IPO13: variants seen among roughly 807,000 people sequenced by gnomAD.
The protein encoded by IPO13 is importin-13.
A neutral mutation model predicts 115.5 loss-of-function variants in IPO13; 28 were observed. The ratio of observed to expected loss-of-function variants is 0.24; its 90% CI spans 0.18 to 0.33. The LOEUF (loss-of-function observed/expected upper bound fraction) is 0.33. Among genes scored for constraint, IPO13 ranks in the 10% least tolerant of loss-of-function variants. The probability of loss-of-function intolerance (pLI) is 1.00; values close to 1 mark genes in which losing one functional copy is unlikely to be tolerated. For synonymous variants in IPO13, 414 were observed against 478.9 expected (o/e 0.86, Z 1.77); for missense variants, 785 against 1,204.6 (o/e 0.65, Z 5.16).
At position 43,950,382 on chromosome 1, in the gene IPO13, T is replaced by C. The variant is rs1341341211; in HGVS notation, c.821+229T>C. 2.0e-5 allele frequency among the ~76,000 whole-genome samples: 3 copies of C among 152,150 alleles called. No individual in the cohort carries two copies. In the East Asian group the frequency reaches 5.8e-4, roughly 29 times the overall value. ...TCAATTAAAATATTTGACTCTCTTT[T>C]CCTTCTCTCAACTAGTCACCAAGTC... On this transcript the variant is annotated intron_variant, in intron 2 of 19. Coordinates refer to ENST00000372343, the MANE Select transcript of IPO13 (RefSeq NM_014652.4).
At position 43,947,523 on chromosome 1, in the gene IPO13, C is replaced by T; in HGVS notation, c.-78C>T. Reference sequence around the variant, plus strand: ...ACTCCCTGGGCACCCAAGCCGGGGTCTAGCAGGGGGCCAGCAGCCAAGGGG... The same window carrying T: ...ACTCCCTGGGCACCCAAGCCGGGGTTTAGCAGGGGGCCAGCAGCCAAGGGG... On this transcript the variant is annotated 5_prime_UTR_variant, in exon 1 of 20. Coordinates refer to ENST00000372343, the MANE Select transcript of IPO13 (RefSeq NM_014652.4). 1.2e-6 allele frequency: 1 copy of T among 866,766 alleles called. No homozygotes were observed. Among genetic ancestry groups the T allele is most frequent in the East Asian group, 3.3e-5 (1 of 30,014 alleles). 53.7% of individuals were successfully genotyped at this position (866,766 alleles called of 1,614,324 possible). A position where few individuals can be genotyped will look rare whatever the true frequency, so the allele number is the denominator to read the frequency against.
intron 12 of IPO13, 62 bp from the exon 13 acceptor site, chr1:43,960,814 C>T: frequency 6.3e-7 from 1 of 1,599,098 alleles, no homozygotes; most frequent in Non-Finnish European, 8.5e-7. Context: ...CTGTGCAGGG[C>T]TTCAGCGCTG....
chr1:43,961,292 C>T (rs142568582), intron 14 of IPO13, 30 bp downstream of exon 14: 1 of 1,511,440 alleles, frequency 6.6e-7, no homozygotes. Flanking sequence ...TCTGCTGCTG[C>T]TGCCACTGCC....
At position 43,966,485 on chromosome 1, in the gene IPO13, T is replaced by G; in HGVS notation, c.2398-90T>G. 2 of 1,314,826 alleles carry G rather than the reference T, an allele frequency of 1.5e-6. No individual in the cohort carries two copies. Among genetic ancestry groups the G allele is most frequent in the Non-Finnish European group, 2.2e-6 (2 of 917,078 alleles). 81.4% of individuals were successfully genotyped at this position (1,314,826 alleles called of 1,614,324 possible). On this transcript the variant is annotated intron_variant, in intron 15 of 19. Coordinates refer to ENST00000372343, the MANE Select transcript of IPO13 (RefSeq NM_014652.4). This position sits in a 1 kb window ranked among gnomAD's most constrained non-coding sequence, Gnocchi z 4.1. ...GTTTTGGCAGCCTCTACCTGTGAGG[T>G]GTGAAGTTGGGGGCTGGGGTGGCAG...
In IPO13 at chr1:43,949,762, G is replaced by T; in HGVS notation, c.430G>T (p.Ala144Ser). 3.7e-6 allele frequency: 6 copies of T among 1,614,196 alleles called. No individual in the cohort carries two copies. The highest frequency in any genetic ancestry group is 5.1e-6 in the Non-Finnish European group (6 of 1,180,012). ...GCCTGACGCTTGGCCATGTGCTGTG[G>T]CAGATATGGTACGACTCTTCCAGGC... is the stretch of plus-strand genomic sequence containing the variant. Reference protein sequence around the residue: ...MMPDAWPCAVADMVRLFQAED... With the variant: ...MMPDAWPCAVSDMVRLFQAED... The change falls in exon 2 of 20, where the codon GCA (alanine) becomes TCA (serine). Residue 144 changes from alanine (A) to serine (S), a missense_variant. By Grantham distance (99) the Ala-to-Ser change is moderately conservative (BLOSUM62 1). This residue lies in a region of IPO13 where 325 missense variants were observed against 449.8 expected (regional missense o/e 0.72). Coordinates refer to ENST00000372343, the MANE Select transcript of IPO13 (RefSeq NM_014652.4).
In IPO13 at chr1:43,957,499, G is replaced by A. The variant is rs2085259550; in HGVS notation, c.1490G>A (p.Arg497Gln). 6.2e-7 allele frequency: 1 copy of A among 1,614,068 alleles called. No individual in the cohort carries two copies. The highest frequency in any genetic ancestry group is 8.5e-7 in the Non-Finnish European group (1 of 1,180,042). ...CCTGGGCTCATTGGCCTCATCCCAC[G>A]GATCAGCATCAGCAACGTGCAGCTG... ...VVPGLIGLIP[R>Q]ISISNVQLAD... Residue 497 changes from arginine (R) to glutamine (Q), a missense_variant, in exon 7 of 20, where the codon CGG becomes CAG. Around this residue, in one of 3 missense-constraint regions of IPO13, gnomAD observed 175 missense variants for 360.0 expected, o/e 0.49. Transcript: ENST00000372343.
In IPO13 at chr1:43,967,013, G is replaced by C; in HGVS notation, c.2607G>C (p.Val869=). The C allele has an allele frequency of 6.2e-7, 1 of 1,613,884 alleles. No homozygotes were observed. Among genetic ancestry groups the C allele is most frequent in the Non-Finnish European group, 8.5e-7 (1 of 1,179,972 alleles). The part of the protein sequence containing the change: ...QEDGRMLLIA[V]LEAIGGQASR... Reference sequence around the variant, plus strand: ...ACGGTCGTATGCTGCTCATAGCAGTGCTGGAGGTGAGACGGAGCAAAGGGG... The same window carrying C: ...ACGGTCGTATGCTGCTCATAGCAGTCCTGGAGGTGAGACGGAGCAAAGGGG... The change falls in exon 18 of 20, where the codon GTG becomes GTC. Residue 869 remains valine (V), a synonymous_variant. Coordinates refer to ENST00000372343, the MANE Select transcript of IPO13 (RefSeq NM_014652.4). This position sits in a 1 kb window ranked among gnomAD's most constrained non-coding sequence, Gnocchi z 6.1.
Position 43,955,263 on chromosome 1 carries a change from CT to C in IPO13, c.822-1043del, listed in dbSNP as rs545350043. On this transcript the variant is annotated intron_variant, in intron 2 of 19. Transcript: ENST00000372343. ...ATGAGCTGTTGCTGCCTTCCAAAGT[CT>C]TTTTTTTTTTTTTAAATCAGGGCTT... Among the ~76,000 whole-genome samples the C allele has an allele frequency of 9.9e-3, 1,412 of 143,086 alleles. 9 individuals carry two copies. The highest frequency in any genetic ancestry group is 0.068 in the East Asian group (335 of 4,946). The allele number at this position is 143,086 out of a possible 152,430, so 93.9% of individuals were successfully genotyped here.
At chr1:43,947,981 A>G (rs1321382560) in intron 1 of IPO13, among the ~76,000 whole-genome samples, 3 of 152,222 alleles carry the variant, frequency 2.0e-5, no homozygotes, top group Non-Finnish European at 2.9e-5. Flanking sequence ...TGGGAACTGC[A>G]TGAGCAGTGC....
intron 11 of IPO13, among the ~76,000 whole-genome samples, chr1:43,959,883 G>T (rs1239068731): frequency 1.3e-5 from 2 of 152,174 alleles, no homozygotes; most frequent in Non-Finnish European, 2.9e-5. Flanking sequence ...CCTATTTGGA[G>T]GAGATAGCAT....
At chr1:43,955,879 T>C (rs184315869) in intron 2 of IPO13, among the ~76,000 whole-genome samples, 1 of 151,882 alleles carries the variant, frequency 6.6e-6, no homozygotes, top group Non-Finnish European at 1.5e-5. Flanking sequence ...TCCCCAAAAG[T>C]TGTAACCTAG....
chr1:43,961,291 G>A (rs1470348036), intron 14 of IPO13, 29 bp downstream of exon 14: 3 of 1,544,970 alleles, frequency 1.9e-6, no homozygotes, highest in South Asian at 1.1e-5. Flanking sequence ...CTCTGCTGCT[G>A]CTGCCACTGC....
In IPO13 at chr1:43,956,469, T is replaced by G; in HGVS notation, c.962+9T>G. The G allele has an allele frequency of 6.2e-7, 1 of 1,613,948 alleles. No homozygotes were observed. The highest frequency in any genetic ancestry group is 1.1e-5 in the South Asian group (1 of 91,074). ...GGCGAGAACCACTCCCGGTAAAGGG[T>G]GGAGCAGCTTGGGGTGGGATAGTAG... On this transcript the variant is annotated intron_variant, in intron 3 of 19. Coordinates refer to ENST00000372343, the MANE Select transcript of IPO13 (RefSeq NM_014652.4). This position sits in a 1 kb window ranked among gnomAD's most constrained non-coding sequence, Gnocchi z 4.7.
rs748670508 is a variant in IPO13 at position 43,949,477 on chromosome 1, C to T, written c.145C>T (p.Leu49=). Residue 49 remains leucine (L), a synonymous_variant, in exon 2 of 20, where the codon CTG becomes TTG. Transcript: ENST00000372343. ...IENKNLAQKW[L]MQAQVSPQAW... ...GAATAAGAACCTGGCTCAGAAGTGG[C>T]TGATGCAGGCCCAGGTCTCCCCACA... 31 of 1,613,784 alleles carry T rather than the reference C, an allele frequency of 1.9e-5. No individual in the cohort carries two copies. The highest frequency in any genetic ancestry group is 2.4e-5 in the Non-Finnish European group (28 of 1,179,852).
At chr1:43,957,798 T>C (rs1258229649) in intron 7 of IPO13, among the ~76,000 whole-genome samples, 179 bp from the exon 8 acceptor site, 1 of 152,228 alleles carries the variant, frequency 6.6e-6, no homozygotes, top group Non-Finnish European at 1.5e-5. Flanking sequence ...AACCCCTTCC[T>C]GCTTCTCAGC....
Position 43,966,757 on chromosome 1 carries a change from C to T in IPO13, c.2498C>T (p.Thr833Ile), listed in dbSNP as rs755401797. The change falls in exon 17 of 20, where the codon ACT becomes ATT. Residue 833 changes from threonine (T) to isoleucine (I), a missense_variant. Coordinates refer to ENST00000372343, the MANE Select transcript of IPO13 (RefSeq NM_014652.4). This position sits in a 1 kb window ranked among gnomAD's most constrained non-coding sequence, Gnocchi z 4.1. ...VLALKFPEAPTVKASCGFFTE... is the reference protein window; with the variant it reads ...VLALKFPEAPIVKASCGFFTE... ...GCCCTCAAGTTCCCTGAGGCACCTA[C>T]TGTCAAGGCCTCCTGTGGCTTCTTT... 1.2e-6 allele frequency: 2 copies of T among 1,614,192 alleles called. No homozygotes were observed. Among genetic ancestry groups the T allele is most frequent in the South Asian group, 1.1e-5 (1 of 91,090 alleles).
At position 43,950,012 on chromosome 1, in the gene IPO13, C is replaced by A; in HGVS notation, c.680C>A (p.Ser227Tyr). The change falls in exon 2 of 20, where the codon TCC becomes TAC. Residue 227 changes from serine to tyrosine, a missense_variant. Transcript: ENST00000372343. ...CGTCAGAAGGTGCTCAAGTGTTTCTCCAGCTGGGTGCAGCTGGAGGTGCCG... is the reference window on the plus strand; with the variant it reads ...CGTCAGAAGGTGCTCAAGTGTTTCTACAGCTGGGTGCAGCTGGAGGTGCCG... Reference protein sequence around the residue: ...CVRQKVLKCFSSWVQLEVPLQ... With the variant: ...CVRQKVLKCFYSWVQLEVPLQ... The A allele has an allele frequency of 6.2e-7, 1 of 1,613,322 alleles. No homozygotes were observed. Among genetic ancestry groups the A allele is most frequent in the East Asian group, 2.2e-5 (1 of 44,874 alleles).
chr1:43,955,202 T>G (rs1392503783), intron 2 of IPO13, among the ~76,000 whole-genome samples: 1 of 152,040 alleles, frequency 6.6e-6, no homozygotes, highest in Non-Finnish European at 1.5e-5. Flanking sequence ...GATTTGGTGG[T>G]AGAGGGTGGA....
At chr1:43,957,630 A>G (rs2085260400) in intron 7 of IPO13, 81 bp downstream of exon 7, 1 of 1,536,726 alleles carries the variant, frequency 6.5e-7, no homozygotes, top group East Asian at 2.3e-5. Context: ...GCTGGATCCT[A>G]TCCAGAATGG....
Sources: gnomAD v4.1 joint callset for allele counts (sites outside exome capture counted in the v4.1 genomes callset) on GRCh38, gnomAD v4.1.1 for gene constraint, gnomAD v4.1.1 regional missense constraint, Gnocchi (gnomAD v3.1) non-coding constraint, MANE v1.5 for transcripts, NCBI Gene and HGNC (gene_info 2026-07-23, HGNC 2026-07-21) for gene names.